Variants in LRRC69 observed in about 807,000 individuals in gnomAD.
LRRC69 encodes the protein leucine rich repeat containing 69.
Under a neutral mutation model 37.8 loss-of-function variants are expected in LRRC69, and 42 were observed. That is an observed-to-expected ratio of 1.11 (90% confidence interval 0.87 to 1.44). The LOEUF (loss-of-function observed/expected upper bound fraction) is 1.44, where lower values mean the gene tolerates loss of function less well. Among genes scored for constraint, LRRC69 ranks in the 40% most tolerant of loss-of-function variants. LRRC69 has a pLI of 0.00. For missense variants in LRRC69, 357 were observed against 401.9 expected (o/e 0.89, Z 0.96); for synonymous variants, 141 against 143.1 (o/e 0.99, Z 0.11).
At chr8:91,109,468 A>G (rs1194662497) in intron 1 of LRRC69, among the ~76,000 whole-genome samples, 2 of 152,082 alleles carry the variant, frequency 1.3e-5, no homozygotes, top group Non-Finnish European at 2.9e-5. Context: ...CAAACTTCCA[A>G]ACACTTAAGA....
chr8:91,137,472 T>C (rs560655403), intron 5 of LRRC69, among the ~76,000 whole-genome samples: 1 of 152,224 alleles, frequency 6.6e-6, no homozygotes, highest in South Asian at 2.1e-4. Flanking sequence ...TTTAACTCAA[T>C]AAGTGTTTGT....
chr8:91,104,189 A>G (rs1330911183), intron 1 of LRRC69, among the ~76,000 whole-genome samples: 2 of 151,810 alleles, frequency 1.3e-5, no homozygotes, highest in African/African-American at 4.8e-5. Context: ...CTACACCTTT[A>G]TTTCTTCCTT....
intron 5 of LRRC69, among the ~76,000 whole-genome samples, chr8:91,184,283 T>TC (rs1809370232): frequency 6.6e-6 from 1 of 151,600 alleles, no homozygotes; most frequent in African/African-American, 2.4e-5. Flanking sequence ...CACCCACTCA[T>TC]CCCCCCACCC....
intron 1 of LRRC69, among the ~76,000 whole-genome samples, chr8:91,119,372 G>A (rs146705230): frequency 6.6e-6 from 1 of 151,930 alleles, no homozygotes; most frequent in Non-Finnish European, 1.5e-5. Context: ...ATCTTCCTTT[G>A]GTTATCCTAT....
chr8:91,145,645 AAT>A (rs1808607564), intron 5 of LRRC69, among the ~76,000 whole-genome samples: 1 of 151,696 alleles, frequency 6.6e-6, no homozygotes, highest in Non-Finnish European at 1.5e-5. Flanking sequence ...GAAACAAGCC[AAT>A]GCTATTCTAA....
At chr8:91,118,959 T>A (rs1813567750) in intron 1 of LRRC69, among the ~76,000 whole-genome samples, 1 of 152,072 alleles carries the variant, frequency 6.6e-6, no homozygotes, top group Admixed American at 6.6e-5. Flanking sequence ...CTCAATCTAG[T>A]CCTGAGTTAC....
At chr8:91,191,213 G>C (rs1809490586) in intron 6 of LRRC69, among the ~76,000 whole-genome samples, 2 of 151,872 alleles carry the variant, frequency 1.3e-5, no homozygotes, top group Admixed American at 1.3e-4. Flanking sequence ...CCCTTTCACA[G>C]AATATTTTCA....
intron 5 of LRRC69, among the ~76,000 whole-genome samples, chr8:91,175,205 G>A (rs931563698): frequency 3.9e-5 from 6 of 151,998 alleles, no homozygotes; most frequent in Admixed American, 3.3e-4. Flanking sequence ...CAGGAGATAC[G>A]GTAAGGCTGG....
intron 7 of LRRC69, among the ~76,000 whole-genome samples, chr8:91,211,609 TA>T (rs906755631): frequency 4.3e-4 from 60 of 138,860 alleles, no homozygotes; most frequent in African/African-American, 1.6e-3. Context: ...TATATATATA[TA>T]TATATATTTT....
chr8:91,204,096 T>G, intron 7 of LRRC69, among the ~76,000 whole-genome samples: 1 of 136,270 alleles, frequency 7.3e-6, no homozygotes, highest in African/African-American at 2.8e-5. Context: ...CACTCCAGCC[T>G]GGGCAACAGA....
At chr8:91,163,372 T>A (rs1808978274) in intron 5 of LRRC69, among the ~76,000 whole-genome samples, 1 of 151,500 alleles carries the variant, frequency 6.6e-6, no homozygotes, top group Non-Finnish European at 1.5e-5. Context: ...GAGCAGTCCT[T>A]GGCAAATAAT....
chr8:91,114,177 G>A (rs1364303272), intron 1 of LRRC69, among the ~76,000 whole-genome samples: 1 of 151,938 alleles, frequency 6.6e-6, no homozygotes, highest in African/African-American at 2.4e-5. Context: ...TCACAAGGAT[G>A]TGGAGAAAAG....
chr8:91,216,294 C>T (rs1296890294), intron 7 of LRRC69, among the ~76,000 whole-genome samples: 1 of 152,096 alleles, frequency 6.6e-6, no homozygotes, highest in Non-Finnish European at 1.5e-5. Flanking sequence ...TAAGAGCCAA[C>T]CTAAACTCTG....
intron 5 of LRRC69, among the ~76,000 whole-genome samples, chr8:91,135,971 T>C (rs1228684687): frequency 1.3e-5 from 2 of 151,996 alleles, no homozygotes; most frequent in Non-Finnish European, 2.9e-5. Context: ...CTATCACAAA[T>C]ATTTTAATAT....
rs552420133 is a variant in LRRC69 at position 91,214,278 on chromosome 8, G to A, written c.934-4612G>A. On this transcript the variant is annotated intron_variant, in intron 7 of 7. Transcript: ENST00000448384. The stretch of plus-strand genomic sequence containing the variant: ...AGAAGGGAGCTGGTTTGGGAGGCAA[G>A]ACCCCAAGTTGTATCTTAGACATGT... Among the ~76,000 whole-genome samples the A allele has an allele frequency of 6.6e-5, 10 of 152,274 alleles. No homozygotes were observed. In the East Asian group the frequency reaches 1.9e-3, roughly 29 times the overall value.
chr8:91,194,003 A>C (rs2130617271), intron 6 of LRRC69, among the ~76,000 whole-genome samples: 1 of 129,672 alleles, frequency 7.7e-6, no homozygotes. Context: ...GATAGCTCTT[A>C]TTATTTTGAA....
At position 91,133,318 on chromosome 8, in the gene LRRC69, TG is replaced by T. The variant is rs1344346370; in HGVS notation, c.579+15del. On this transcript the variant is annotated intron_variant, in intron 4 of 7. Transcript: ENST00000448384. Reference sequence around the variant, plus strand: ...AGTTTTGCCGGAGGTAAGCAAAACATGGAACCACAGTAGTTTGCTGTTGGAG... The same window carrying T: ...AGTTTTGCCGGAGGTAAGCAAAACATGAACCACAGTAGTTTGCTGTTGGAG... The T allele has an allele frequency of 1.3e-6, 2 of 1,493,810 alleles. No homozygotes were observed. Among genetic ancestry groups the T allele is most frequent in the East Asian group, 5.1e-5 (2 of 39,252 alleles). The allele number at this position is 1,493,810 out of a possible 1,614,324, so 92.5% of individuals were successfully genotyped here.
intron 5 of LRRC69, among the ~76,000 whole-genome samples, chr8:91,137,302 CT>C (rs1379695102): frequency 6.6e-6 from 1 of 151,974 alleles, no homozygotes; most frequent in Non-Finnish European, 1.5e-5. Flanking sequence ...GCCACTGCTA[CT>C]TCTATGGTAT....
intron 7 of LRRC69, among the ~76,000 whole-genome samples, chr8:91,211,810 T>A (rs1809931307): frequency 1.3e-5 from 2 of 151,862 alleles, no homozygotes; most frequent in South Asian, 4.2e-4. Context: ...TTCTGCTTCT[T>A]ATGGGGTTTA....
Sources: allele counts gnomAD v4.1 joint callset (sites outside exome capture counted in the v4.1 genomes callset), GRCh38; gene constraint gnomAD v4.1.1; transcripts MANE v1.5; gene names NCBI Gene and HGNC (gene_info 2026-07-23, HGNC 2026-07-21).